CLSTN2: variants seen among roughly 807,000 people sequenced by gnomAD.
The protein encoded by CLSTN2 is calsyntenin 2, also known as calsyntenin-2.
CLSTN2 carries 48 observed loss-of-function variants against 101.2 expected under a neutral mutation model. The ratio of observed to expected loss-of-function variants is 0.47; its 90% CI spans 0.38 to 0.60. The LOEUF (loss-of-function observed/expected upper bound fraction) is 0.60. CLSTN2 is among the 20% of genes least tolerant of loss of function. CLSTN2 has a pLI of 0.00. For synonymous variants in CLSTN2, 481 were observed against 463.6 expected, an observed-to-expected ratio of 1.04 and a Z score of -0.48; for missense variants, 1,160 against 1,238.2, an observed-to-expected ratio of 0.94 and a Z score of 0.95.
At chr3:140,323,157 C>T (rs150763068) in intron 2 of CLSTN2, among the ~76,000 whole-genome samples, 3 of 152,278 alleles carry the variant, frequency 2.0e-5, no homozygotes, top group Non-Finnish European at 2.9e-5. Flanking sequence ...AGCAGGCCTC[C>T]CCAGCAGTGG....
Position 140,419,531 on chromosome 3 carries a change from G to GTA in CLSTN2, c.638-1585_638-1584dup, listed in dbSNP as rs35197225. 1.2e-4 allele frequency among the ~76,000 whole-genome samples: 5 copies of GTA among 41,438 alleles called. 1 individual carries two copies. Among genetic ancestry groups the GTA allele is most frequent in the Non-Finnish European group, 1.9e-4 (5 of 27,008 alleles). 27.2% of individuals were successfully genotyped at this position (41,438 alleles called of 152,430 possible). ...TATATATACACACACATATGTGTGT[G>GTA]TATATATATACATATATACGTGTAC... On this transcript the variant is annotated intron_variant, in intron 4 of 16. Transcript: ENST00000458420.
At chr3:140,187,502 T>C (rs2010501089) in intron 2 of CLSTN2, among the ~76,000 whole-genome samples, 1 of 152,188 alleles carries the variant, frequency 6.6e-6, no homozygotes, top group African/African-American at 2.4e-5. Flanking sequence ...CTCTTAGTGA[T>C]ACTGTTCTTT....
At chr3:140,455,532 G>A (rs952486035) in intron 6 of CLSTN2, among the ~76,000 whole-genome samples, 2 of 152,164 alleles carry the variant, frequency 1.3e-5, no homozygotes, top group Admixed American at 6.5e-5. Flanking sequence ...AGGGCCCAGG[G>A]ACGTCAAATC....
intron 1 of CLSTN2, among the ~76,000 whole-genome samples, chr3:140,086,798 G>T (rs1308884620): frequency 1.3e-5 from 2 of 152,080 alleles, no homozygotes; most frequent in Non-Finnish European, 2.9e-5. Context: ...TAATCTTCAG[G>T]CATTGCTCCA....
intron 1 of CLSTN2, among the ~76,000 whole-genome samples, chr3:139,955,137 T>TATATATATATATATATATATAC: frequency 7.2e-6 from 1 of 139,236 alleles, no homozygotes; most frequent in African/African-American, 2.7e-5. Context: ...TATATATATA[T>TATATATATATATATATATATAC]ATGGCAATTC....
intron 2 of CLSTN2, among the ~76,000 whole-genome samples, chr3:140,292,314 T>C (rs2061928): frequency 0.033 from 5,026 of 152,310 alleles, 154 homozygotes; most frequent in South Asian, 0.083. Context: ...CTGTTACGAA[T>C]ATCCTGCCCA....
chr3:140,209,002 T>A (rs2010820307), intron 2 of CLSTN2, among the ~76,000 whole-genome samples: 1 of 152,206 alleles, frequency 6.6e-6, no homozygotes, highest in African/African-American at 2.4e-5. Context: ...CAATTCCCAG[T>A]GTGTAGTAAC....
At chr3:140,213,670 C>A (rs551967418) in intron 2 of CLSTN2, among the ~76,000 whole-genome samples, 5 of 152,298 alleles carry the variant, frequency 3.3e-5, no homozygotes, top group African/African-American at 1.2e-4. Flanking sequence ...TGGTTTTAGC[C>A]TCATTCATCT....
chr3:140,110,215 G>A (rs1054163501), intron 1 of CLSTN2, among the ~76,000 whole-genome samples: 1 of 152,148 alleles, frequency 6.6e-6, no homozygotes, highest in Non-Finnish European at 1.5e-5. Flanking sequence ...GCTTCCACGA[G>A]CTTTTTAATT....
chr3:139,959,349 T>C (rs1935463228), intron 1 of CLSTN2, among the ~76,000 whole-genome samples: 1 of 152,242 alleles, frequency 6.6e-6, no homozygotes, highest in Admixed American at 6.5e-5. Context: ...ATGTTACATT[T>C]CCTCTCTTTG....
chr3:140,459,535 A>G lies in CLSTN2; in HGVS notation c.988A>G (p.Ile330Val). The G allele has an allele frequency of 6.2e-7, 1 of 1,614,014 alleles. No homozygotes were observed. Among genetic ancestry groups the G allele is most frequent in the South Asian group, 1.1e-5 (1 of 91,076 alleles). ...LQKLCGASSG[I>V]IDLLPSPSAA... Reference sequence around the variant, plus strand: ...ACCCTCTGCAGGAGCCTCCTCTGGCATCATTGACCTCTTGCCATCCCCTAG... The same window carrying G: ...ACCCTCTGCAGGAGCCTCCTCTGGCGTCATTGACCTCTTGCCATCCCCTAG... The change falls in exon 7 of 17, where the codon ATC becomes GTC. Residue 330 changes from isoleucine to valine, a missense_variant. By Grantham distance (29) the Ile-to-Val change is conservative. Transcript: ENST00000458420.
At chr3:140,100,955 A>G (rs1465775074) in intron 1 of CLSTN2, among the ~76,000 whole-genome samples, 1 of 152,088 alleles carries the variant, frequency 6.6e-6, no homozygotes, top group Non-Finnish European at 1.5e-5. Context: ...TGTCCCTTGT[A>G]ATTAGGATAT....
At chr3:140,490,761 C>T (rs918855181) in intron 8 of CLSTN2, among the ~76,000 whole-genome samples, 2 of 152,096 alleles carry the variant, frequency 1.3e-5, no homozygotes, top group Non-Finnish European at 1.5e-5. Flanking sequence ...TGCTCAGTAA[C>T]GAGGAGCAGA....
chr3:140,471,059 G>A (rs1423105987), intron 8 of CLSTN2, among the ~76,000 whole-genome samples: 1 of 152,190 alleles, frequency 6.6e-6, no homozygotes, highest in Non-Finnish European at 1.5e-5. Context: ...GGAGATGCCT[G>A]TGACAATCCA....
At chr3:140,325,897 G>A (rs569476651) in intron 2 of CLSTN2, among the ~76,000 whole-genome samples, 85 of 152,270 alleles carry the variant, frequency 5.6e-4, no homozygotes, top group African/African-American at 1.7e-3. Flanking sequence ...GTGTACTCTC[G>A]TGGCAAAACT....
chr3:140,377,386 G>A lies in CLSTN2; in HGVS notation c.233-26243G>A, dbSNP rs117463119. On this transcript the variant is annotated intron_variant, in intron 2 of 16. Coordinates refer to ENST00000458420, the MANE Select transcript of CLSTN2 (RefSeq NM_022131.3). The stretch of plus-strand genomic sequence containing the variant: ...CTACTTATATGTTAACTGTAAAACA[G>A]CATCAGACAAGTCCTTCAGGAGGTA... Among the ~76,000 whole-genome samples the A allele has an allele frequency of 2.5e-3, 383 of 152,240 alleles. 8 individuals carry two copies. The East Asian group carries it at 0.057, about 23-fold the overall frequency.
chr3:140,350,454 G>C (rs1016769137), intron 2 of CLSTN2, among the ~76,000 whole-genome samples: 1 of 152,162 alleles, frequency 6.6e-6, no homozygotes, highest in African/African-American at 2.4e-5. Context: ...TGGGATGTGG[G>C]GTAGGGAGGG....
At chr3:140,085,712 C>T (rs890921686) in intron 1 of CLSTN2, among the ~76,000 whole-genome samples, 1 of 152,078 alleles carries the variant, frequency 6.6e-6, no homozygotes, top group African/African-American at 2.4e-5. Context: ...ATTGTTGGCC[C>T]CAGGATCTCC....
intron 1 of CLSTN2, among the ~76,000 whole-genome samples, chr3:140,143,685 A>G (rs1418382446): frequency 6.6e-6 from 1 of 152,132 alleles, no homozygotes; most frequent in East Asian, 1.9e-4. Context: ...TCCCACCTAC[A>G]TGTGCCAGTC....
Sources: allele counts gnomAD v4.1 joint callset (sites outside exome capture counted in the v4.1 genomes callset), GRCh38; gene constraint gnomAD v4.1.1; transcripts MANE v1.5; gene names NCBI Gene and HGNC (gene_info 2026-07-23, HGNC 2026-07-21).